EXOC4: variants seen among roughly 807,000 people sequenced by gnomAD.
EXOC4 encodes SEC8-like 1.
A neutral mutation model predicts 107.2 loss-of-function variants in EXOC4; 71 were observed. The observed-to-expected ratio is 0.66, with a 90% CI of 0.55 to 0.81. The LOEUF (loss-of-function observed/expected upper bound fraction) is 0.81. Among genes scored for constraint, EXOC4 ranks in the 30% least tolerant of loss-of-function variants. The pLI is 0.00. For synonymous variants in EXOC4, 456 were observed against 441.2 expected, an observed-to-expected ratio of 1.03 and a Z score of -0.42; for missense variants, 1,108 against 1,189.6, an observed-to-expected ratio of 0.93 and a Z score of 1.01.
chr7:133,344,455 C>T (rs568141707), intron 5 of EXOC4, among the ~76,000 whole-genome samples: 1 of 152,054 alleles, frequency 6.6e-6, no homozygotes, highest in African/African-American at 2.4e-5. Flanking sequence ...CTCATTGGCT[C>T]CCTCTTCTGT....
At chr7:133,804,422 T>G (rs1797023241) in intron 10 of EXOC4, among the ~76,000 whole-genome samples, 1 of 152,190 alleles carries the variant, frequency 6.6e-6, no homozygotes, top group East Asian at 1.9e-4. Context: ...CAAGTGATAG[T>G]AAACTTAAGA....
At chr7:133,471,118 C>G (rs567745204) in intron 7 of EXOC4, among the ~76,000 whole-genome samples, 2 of 152,116 alleles carry the variant, frequency 1.3e-5, no homozygotes, top group South Asian at 4.2e-4. Flanking sequence ...CTTTGAGATA[C>G]TAAAAAATTC....
intron 10 of EXOC4, among the ~76,000 whole-genome samples, chr7:133,668,855 A>T (rs1793874761): frequency 6.6e-6 from 1 of 152,124 alleles, no homozygotes; most frequent in African/African-American, 2.4e-5. Context: ...GGCAGCCTCC[A>T]GGGGTCACTG....
intron 14 of EXOC4, among the ~76,000 whole-genome samples, chr7:133,963,031 T>A (rs1326550373): frequency 1.3e-5 from 2 of 152,236 alleles, no homozygotes; most frequent in Admixed American, 1.3e-4. Context: ...TAGGAAGGGC[T>A]TTGAGATACA....
intron 1 of EXOC4, among the ~76,000 whole-genome samples, chr7:133,256,432 T>G (rs1795021231): frequency 6.6e-6 from 1 of 152,244 alleles, no homozygotes; most frequent in Admixed American, 6.5e-5. Context: ...GGCTCGTGTT[T>G]ATAAGGTCTG....
chr7:133,324,423 T>C (rs556964710), intron 5 of EXOC4, among the ~76,000 whole-genome samples: 39 of 152,328 alleles, frequency 2.6e-4, no homozygotes, highest in African/African-American at 7.5e-4. Context: ...TTTGTTCTCA[T>C]TGGTTTCGAA....
chr7:133,337,116 C>G (rs1221450966), intron 5 of EXOC4, among the ~76,000 whole-genome samples: 1 of 152,088 alleles, frequency 6.6e-6, no homozygotes, highest in African/African-American at 2.4e-5. Context: ...AAATAAATCT[C>G]TCTTGACTGT....
At chr7:133,337,271 T>G (rs1438085851) in intron 5 of EXOC4, among the ~76,000 whole-genome samples, 1 of 152,212 alleles carries the variant, frequency 6.6e-6, no homozygotes, top group East Asian at 1.9e-4. Context: ...TGTAATAATT[T>G]GCTTTATAAA....
intron 9 of EXOC4, among the ~76,000 whole-genome samples, chr7:133,525,224 A>G (rs1415925802): frequency 6.6e-6 from 1 of 152,144 alleles, no homozygotes; most frequent in Non-Finnish European, 1.5e-5. Flanking sequence ...TATTAATATC[A>G]CTGAGCTGCC....
At position 133,319,444 on chromosome 7, in the gene EXOC4, G is replaced by C. The variant is rs147725308; in HGVS notation, c.763+2054G>C. Among the ~76,000 whole-genome samples, 266 of 152,258 alleles carry C rather than the reference G, an allele frequency of 1.7e-3. 1 individual carries two copies. The highest frequency in any genetic ancestry group is 6.8e-3 in the Middle Eastern group (2 of 294). ...CTGCTTGGTAGTTGACTGGGGCTAG[G>C]AGCATTATGGAGACTGCTTGTAGAG... On this transcript the variant is annotated intron_variant, in intron 5 of 17. Transcript: ENST00000253861.
intron 10 of EXOC4, among the ~76,000 whole-genome samples, chr7:133,678,704 G>A (rs1794119445): frequency 6.6e-6 from 1 of 151,712 alleles, no homozygotes; most frequent in African/African-American, 2.4e-5. Flanking sequence ...TCAACCTCCT[G>A]GGCTCAAGTG....
At chr7:133,327,428 T>G (rs7781435) in intron 5 of EXOC4, among the ~76,000 whole-genome samples, 1,886 of 152,302 alleles carry the variant, frequency 0.012, 32 homozygotes, top group African/African-American at 0.043. Flanking sequence ...TTTTTGTGCC[T>G]GTATCTCCTT....
intron 10 of EXOC4, among the ~76,000 whole-genome samples, chr7:133,689,327 C>A (rs1253850915): frequency 6.6e-6 from 1 of 152,066 alleles, no homozygotes; most frequent in Non-Finnish European, 1.5e-5. Flanking sequence ...AAAAAAAAAT[C>A]AGTTAATTCA....
At chr7:133,965,203 A>C (rs949845107) in intron 14 of EXOC4, among the ~76,000 whole-genome samples, 1 of 152,050 alleles carries the variant, frequency 6.6e-6, no homozygotes, top group Non-Finnish European at 1.5e-5. Context: ...AAATTTGTTT[A>C]AGTTCTTTGT....
At chr7:133,929,939 C>G (rs1270293758) in intron 13 of EXOC4, among the ~76,000 whole-genome samples, 1 of 152,160 alleles carries the variant, frequency 6.6e-6, no homozygotes, top group Non-Finnish European at 1.5e-5. Flanking sequence ...TTTAATGTCT[C>G]TGCTCTGAAC....
In EXOC4 at chr7:133,434,070, A is replaced by G. The variant is rs1469593626; in HGVS notation, c.1183-41258A>G. ...ATGTAAAGGAATCTGGAGGAGGCCA[A>G]ACACCTCTTTAAAATAATGATTGTC... On this transcript the variant is annotated intron_variant, in intron 7 of 17. Coordinates refer to ENST00000253861, the MANE Select transcript of EXOC4 (RefSeq NM_021807.4). Among the ~76,000 whole-genome samples the G allele has an allele frequency of 3.9e-5, 6 of 152,206 alleles. No homozygotes were observed. The South Asian group carries it at 1.0e-3, about 26-fold the overall frequency.
intron 6 of EXOC4, among the ~76,000 whole-genome samples, chr7:133,364,213 T>C (rs1796198137): frequency 6.6e-6 from 1 of 151,784 alleles, no homozygotes. Flanking sequence ...ACTGTAGCCT[T>C]GACCCCCCCT....
At chr7:133,630,731 A>G (rs1380552145) in intron 10 of EXOC4, among the ~76,000 whole-genome samples, 7 of 152,222 alleles carry the variant, frequency 4.6e-5, no homozygotes, top group Admixed American at 4.6e-4. Flanking sequence ...TGATTTATAA[A>G]AAATGAAAGA....
At chr7:133,985,895 C>A (rs1446609398) in intron 14 of EXOC4, among the ~76,000 whole-genome samples, 1 of 152,130 alleles carries the variant, frequency 6.6e-6, no homozygotes, top group African/African-American at 2.4e-5. Flanking sequence ...CTGATAATTT[C>A]TTCCACTTTT....
Sources: allele counts gnomAD v4.1 joint callset (sites outside exome capture counted in the v4.1 genomes callset), GRCh38; gene constraint gnomAD v4.1.1; transcripts MANE v1.5; gene names NCBI Gene and HGNC (gene_info 2026-07-23, HGNC 2026-07-21).